EYA4: variants seen among roughly 807,000 people sequenced by gnomAD.
The protein encoded by EYA4 is protein phosphatase EYA4.
A neutral mutation model predicts 87.9 loss-of-function variants in EYA4; 31 were observed. The ratio of observed to expected loss-of-function variants is 0.35; its 90% CI spans 0.27 to 0.48. The LOEUF (loss-of-function observed/expected upper bound fraction) is 0.48, where lower values mean the gene tolerates loss of function less well. EYA4 is among the 20% of genes least tolerant of loss of function. The probability of loss-of-function intolerance (pLI) is 0.99; values close to 1 mark genes in which losing one functional copy is unlikely to be tolerated. For missense variants in EYA4, 678 were observed against 761.4 expected, an observed-to-expected ratio of 0.89 and a Z score of 1.29; for synonymous variants, 263 against 270.6, an observed-to-expected ratio of 0.97 and a Z score of 0.28.
At chr6:133,335,703 C>G (rs73559604) in intron 2 of EYA4, among the ~76,000 whole-genome samples, 2,293 of 152,194 alleles carry the variant, frequency 0.015, 59 homozygotes, top group African/African-American at 0.051. Context: ...TGTGCACACT[C>G]TGTAGCGGGA....
chr6:133,264,880 G>A (rs1261363741), intron 1 of EYA4, among the ~76,000 whole-genome samples: 2 of 152,068 alleles, frequency 1.3e-5, no homozygotes, highest in Non-Finnish European at 2.9e-5. Flanking sequence ...TCACCTAGAA[G>A]AAGTGCAGTG....
rs556939615 is a variant in EYA4, at chr6:133,403,938, G to A, written c.83+21497G>A. 1.4e-3 allele frequency among the ~76,000 whole-genome samples: 217 copies of A among 152,286 alleles called. 1 individual carries two copies. The highest frequency in any genetic ancestry group is 4.8e-3 in the African/African-American group (200 of 41,562). On this transcript the variant is annotated intron_variant, in intron 3 of 19. Coordinates refer to ENST00000355286, the MANE Select transcript of EYA4 (RefSeq NM_004100.5). The stretch of plus-strand genomic sequence containing the variant: ...CAATTCTCCTGCCTCAGCCTCACGA[G>A]TACGTGGGATTACAGTTGTGCGTGT...
chr6:133,275,708 A>G lies in EYA4; in HGVS notation c.33+895A>G, dbSNP rs373279185. On this transcript the variant is annotated intron_variant, in intron 2 of 19. Coordinates refer to ENST00000355286, the MANE Select transcript of EYA4 (RefSeq NM_004100.5). Reference sequence around the variant, plus strand: ...ATGAGTTTAATTTTAAGAGGGATGTATATTCTGGTGCCATTTGAAGTTGAT... The same window carrying G: ...ATGAGTTTAATTTTAAGAGGGATGTGTATTCTGGTGCCATTTGAAGTTGAT... Among the ~76,000 whole-genome samples the G allele has an allele frequency of 8.5e-5, 13 of 152,220 alleles. No individual in the cohort carries two copies. In the East Asian group the frequency reaches 1.5e-3, roughly 18 times the overall value.
At chr6:133,290,653 A>T (rs1343153343) in intron 2 of EYA4, among the ~76,000 whole-genome samples, 3 of 152,190 alleles carry the variant, frequency 2.0e-5, no homozygotes, top group Non-Finnish European at 2.9e-5. Flanking sequence ...TCGTATTGCC[A>T]TGCTTGATAC....
chr6:133,360,929 G>A (rs912456065), intron 2 of EYA4, among the ~76,000 whole-genome samples: 11 of 152,200 alleles, frequency 7.2e-5, no homozygotes, highest in Non-Finnish European at 1.3e-4. Context: ...AGTTAGAATT[G>A]TGTCTTAAGT....
chr6:133,283,228 A>G (rs1777769213), intron 2 of EYA4, among the ~76,000 whole-genome samples: 1 of 152,032 alleles, frequency 6.6e-6, no homozygotes, highest in African/African-American at 2.4e-5. Context: ...CGGGAAGCGG[A>G]GGTTGCAGTG....
intron 2 of EYA4, among the ~76,000 whole-genome samples, chr6:133,303,342 A>G (rs1268027010): frequency 2.6e-5 from 4 of 152,094 alleles, no homozygotes; most frequent in Non-Finnish European, 5.9e-5. Context: ...TTTCATGGTG[A>G]CTTGACTGTG....
chr6:133,329,978 T>C (rs1781797593), intron 2 of EYA4, among the ~76,000 whole-genome samples: 1 of 152,052 alleles, frequency 6.6e-6, no homozygotes, highest in Admixed American at 6.5e-5. Flanking sequence ...CTAAGAAAGA[T>C]GATTGAATTG....
Position 133,305,926 on chromosome 6 carries a change from T to G in EYA4, c.33+31113T>G, listed in dbSNP as rs573787926. ...GCATATGAAGGACATGTCTGTTATA[T>G]TTCTGCCATTATTGGTAACTCTTAA... On this transcript the variant is annotated intron_variant, in intron 2 of 19. Coordinates refer to ENST00000355286, the MANE Select transcript of EYA4 (RefSeq NM_004100.5). Among the ~76,000 whole-genome samples, 4 of 152,330 alleles carry G rather than the reference T, an allele frequency of 2.6e-5. No homozygotes were observed. The South Asian group carries it at 8.3e-4, about 32-fold the overall frequency.
At chr6:133,253,642 C>T (rs747596718) in intron 1 of EYA4, among the ~76,000 whole-genome samples, 3 of 151,992 alleles carry the variant, frequency 2.0e-5, no homozygotes, top group Non-Finnish European at 2.9e-5. Context: ...TTGCTGCCTA[C>T]CTGGACAAAA....
At chr6:133,484,549 C>G (rs1378323340) in intron 13 of EYA4, among the ~76,000 whole-genome samples, 1 of 152,086 alleles carries the variant, frequency 6.6e-6, no homozygotes, top group Non-Finnish European at 1.5e-5. Flanking sequence ...CCCTTTATCA[C>G]AAAAGTAAAG....
intron 13 of EYA4, among the ~76,000 whole-genome samples, chr6:133,502,064 TCTCTCTCA>T (rs1175884977): frequency 1.3e-5 from 2 of 150,966 alleles, no homozygotes; most frequent in Admixed American, 6.6e-5. Context: ...TCTCTCTCTC[TCTCTCTCA>T]CTCTCTCTCT....
intron 2 of EYA4, among the ~76,000 whole-genome samples, chr6:133,339,966 T>C (rs991187505): frequency 1.3e-5 from 2 of 152,246 alleles, no homozygotes; most frequent in East Asian, 1.9e-4. Flanking sequence ...AAGTAGTTGC[T>C]AAAAACAACA....
intron 9 of EYA4, 46 bp downstream of exon 9, chr6:133,462,810 G>C (rs539545405): frequency 1.3e-6 from 2 of 1,565,314 alleles, no homozygotes; most frequent in South Asian, 1.1e-5. Context: ...CTAATTCTTT[G>C]AGTGAGACTC....
chr6:133,431,711 G>T (rs539406788), intron 3 of EYA4, among the ~76,000 whole-genome samples: 1 of 152,148 alleles, frequency 6.6e-6, no homozygotes, highest in Non-Finnish European at 1.5e-5. Context: ...TGTAAAGAAA[G>T]AATTATATGG....
At position 133,512,799 on chromosome 6, in the gene EYA4, A is replaced by G. The variant is rs369520690; in HGVS notation, c.1340+20A>G. 2.5e-6 allele frequency: 4 copies of G among 1,612,122 alleles called. No individual in the cohort carries two copies. In the African/African-American group the frequency reaches 5.3e-5, roughly 22 times the overall value. ...CTTAAGGTAAGCTATGCCTTTCAGT[A>G]TGCTGTTTCCTACAGAAATTCGGCT... is the stretch of plus-strand genomic sequence containing the variant. On this transcript the variant is annotated intron_variant, in intron 15 of 19. Coordinates refer to ENST00000355286, the MANE Select transcript of EYA4 (RefSeq NM_004100.5).
intron 6 of EYA4, among the ~76,000 whole-genome samples, chr6:133,459,381 G>A (rs1216816177): frequency 1.3e-4 from 20 of 152,036 alleles, no homozygotes; most frequent in Non-Finnish European, 2.9e-5. Context: ...TCTGAAATGT[G>A]TAATTTTGGT....
chr6:133,287,767 T>A (rs1778180688), intron 2 of EYA4, among the ~76,000 whole-genome samples: 1 of 152,172 alleles, frequency 6.6e-6, no homozygotes, highest in Non-Finnish European at 1.5e-5. Flanking sequence ...GGGAGATTAC[T>A]GAAGGTGGGA....
chr6:133,514,035 A>C (rs1799386302), intron 16 of EYA4, among the ~76,000 whole-genome samples: 2 of 152,322 alleles, frequency 1.3e-5, no homozygotes, highest in African/African-American at 4.8e-5. Context: ...CCCAGTGCCT[A>C]GCAGTGAAAC....
Sources: allele counts gnomAD v4.1 joint callset (sites outside exome capture counted in the v4.1 genomes callset), GRCh38; gene constraint gnomAD v4.1.1; transcripts MANE v1.5; gene names NCBI Gene and HGNC (gene_info 2026-07-23, HGNC 2026-07-21).